The following CPNE7 variants were observed in gnomAD, a reference collection of about 807,000 sequenced individuals.
CPNE7 encodes the protein copine-7.
CPNE7 carries 78 observed loss-of-function variants against 66.5 expected under a neutral mutation model. The ratio of observed to expected loss-of-function variants is 1.17; its 90% CI spans 0.98 to 1.42. CPNE7 has a LOEUF of 1.42. Ranked by LOEUF, CPNE7 falls within the 40% of genes most tolerant of loss-of-function variation. The pLI is 0.00. For missense variants in CPNE7, 1,012 were observed against 776.6 expected, an observed-to-expected ratio of 1.30 and a Z score of -3.60; for synonymous variants, 468 against 336.7, an observed-to-expected ratio of 1.39 and a Z score of -4.27.
chr16:89,595,177 C>G (rs1209106505), intron 13 of CPNE7, among the ~76,000 whole-genome samples, 190 bp from the exon 14 acceptor site: 1 of 152,174 alleles, frequency 6.6e-6, no homozygotes. Flanking sequence ...GCCCAGAGTG[C>G]CCGCCACGGA....
Position 89,584,188 on chromosome 16 carries a change from G to A in CPNE7, c.507+86G>A, listed in dbSNP as rs2059000154. On this transcript the variant is annotated intron_variant, in intron 4 of 14. Coordinates refer to ENST00000319518, the MANE Select transcript of CPNE7 (RefSeq NM_153636.3). The surrounding 1 kb of genome is among the most constrained non-coding windows in gnomAD (Gnocchi z 6.0). ...CCGGTCCCTGCCCAGCGCTGACCTC[G>A]CGTGGCTATGTCCCGTGTGAGACGT... The A allele has an allele frequency of 5.1e-6, 7 of 1,363,044 alleles. No individual in the cohort carries two copies. The highest frequency in any genetic ancestry group is 2.3e-5 in the East Asian group (1 of 43,022). The allele number at this position is 1,363,044 out of a possible 1,614,324, so 84.4% of individuals were successfully genotyped here.
chr16:89,583,452 A>G (rs933649771), intron 2 of CPNE7: 6 of 1,550,248 alleles, frequency 3.9e-6, no homozygotes, highest in African/African-American at 1.4e-5. Context: ...AGGTATGATG[A>G]CCTCTGCCTC....
chr16:89,591,953 C>T (rs1457183411), intron 13 of CPNE7, among the ~76,000 whole-genome samples: 5 of 151,692 alleles, frequency 3.3e-5, no homozygotes, highest in African/African-American at 1.2e-4. Flanking sequence ...CCCGCCTCGG[C>T]CTCCCAAAGT....
In CPNE7 at chr16:89,579,875, A is replaced by G. The variant is rs1463283163; in HGVS notation, c.357+2154A>G. ...CACCCATCACACGGAACATCCCGTCACCTGCTGACACGGAACATCTCACCC... is the reference window on the plus strand; with the variant it reads ...CACCCATCACACGGAACATCCCGTCGCCTGCTGACACGGAACATCTCACCC... On this transcript the variant is annotated intron_variant, in intron 2 of 14. Transcript: ENST00000319518. Among the ~76,000 whole-genome samples, 9 of 45,212 alleles carry G rather than the reference A, an allele frequency of 2.0e-4. 1 individual carries two copies. In the East Asian group the frequency reaches 3.5e-3, roughly 17 times the overall value. The allele number at this position is 45,212 out of a possible 152,430, so 29.7% of individuals were successfully genotyped here. A position where few individuals can be genotyped will look rare whatever the true frequency, so the allele number is the denominator to read the frequency against.
chr16:89,578,148 T>C (rs1179830204), intron 2 of CPNE7, among the ~76,000 whole-genome samples: 2 of 146,998 alleles, frequency 1.4e-5, no homozygotes, highest in African/African-American at 2.5e-5. Context: ...CACTGCAACC[T>C]CCACCTCCTG....
At chr16:89,591,328 G>A (rs61740478) in intron 13 of CPNE7, 68 bp downstream of exon 13, 218 of 1,464,242 alleles carry the variant, frequency 1.5e-4, no homozygotes, top group Admixed American at 4.0e-4. Context: ...GCGCGTGGAC[G>A]TCAGGGAGGC....
In CPNE7 at chr16:89,579,909, G is replaced by A. The variant is rs868115184; in HGVS notation, c.357+2188G>A. On this transcript the variant is annotated intron_variant, in intron 2 of 14. Coordinates refer to ENST00000319518, the MANE Select transcript of CPNE7 (RefSeq NM_153636.3). ...CACGGAACATCTCACCCATCACACGGAACATCCCGTCACCCGCTGACACAG... is the reference window on the plus strand; with the variant it reads ...CACGGAACATCTCACCCATCACACGAAACATCCCGTCACCCGCTGACACAG... Among the ~76,000 whole-genome samples, 20 of 50,418 alleles carry A rather than the reference G, an allele frequency of 4.0e-4. 2 individuals carry two copies. The highest frequency in any genetic ancestry group is 7.7e-4 in the African/African-American group (15 of 19,422). The allele number at this position is 50,418 out of a possible 152,430, so 33.1% of individuals were successfully genotyped here. A position where few individuals can be genotyped will look rare whatever the true frequency, so the allele number is the denominator to read the frequency against.
At chr16:89,589,153 G>A (rs28444518) in intron 10 of CPNE7, among the ~76,000 whole-genome samples, 14,260 of 152,234 alleles carry the variant, frequency 0.094, 950 homozygotes, top group Admixed American at 0.2. Context: ...TTAGCTGGGC[G>A]TGGTGGCAGA....
At position 89,595,661 on chromosome 16, in the gene CPNE7, T is replaced by C. The variant is rs535622677; in HGVS notation, c.1539+58T>C. On this transcript the variant is annotated intron_variant, in intron 14 of 14. Coordinates refer to ENST00000319518, the MANE Select transcript of CPNE7 (RefSeq NM_153636.3). ...GCTTGGGGGTCCCTGTTCATGTCACTGCCCAAGACCTTCCCAGGCCAGGCT... is the reference window on the plus strand; with the variant it reads ...GCTTGGGGGTCCCTGTTCATGTCACCGCCCAAGACCTTCCCAGGCCAGGCT... The C allele has an allele frequency of 4.2e-6, 6 of 1,443,138 alleles. No homozygotes were observed. In the African/African-American group the frequency reaches 7.0e-5, roughly 17 times the overall value. The allele number at this position is 1,443,138 out of a possible 1,614,324, so 89.4% of individuals were successfully genotyped here.
intron 2 of CPNE7, chr16:89,583,492 G>A (rs1223079914): frequency 1.3e-6 from 2 of 1,555,294 alleles, no homozygotes; most frequent in South Asian, 2.4e-5. Flanking sequence ...CCGTGAGGTG[G>A]TGGACGTGCA....
At chr16:89,583,916 ACCT>A in intron 3 of CPNE7, 109 bp from the exon 4 acceptor site, 1 of 1,454,488 alleles carries the variant, frequency 6.9e-7, no homozygotes, top group Non-Finnish European at 9.4e-7. Context: ...GTACACAGAC[ACCT>A]CCTCTCAGGC....
chr16:89,585,629 G>T, intron 6 of CPNE7, 58 bp from the exon 7 acceptor site: 2 of 1,548,804 alleles, frequency 1.3e-6, no homozygotes, highest in East Asian at 2.4e-5. Context: ...ACCTGGGCTC[G>T]GGTGGGAGGG....
chr16:89,593,454 G>C (rs565747393), intron 13 of CPNE7, among the ~76,000 whole-genome samples: 51 of 151,790 alleles, frequency 3.4e-4, no homozygotes, highest in African/African-American at 1.2e-3. Context: ...CCGGGTTCAC[G>C]CCATTCTCCT....
chr16:89,591,556 CTG>C (rs2059169942), intron 13 of CPNE7, among the ~76,000 whole-genome samples: 1 of 152,212 alleles, frequency 6.6e-6, no homozygotes, highest in Non-Finnish European at 1.5e-5. Context: ...TACTGTTTGG[CTG>C]TGTGTGTATC....
intron 9 of CPNE7, 137 bp from the exon 10 acceptor site, chr16:89,588,538 G>A: frequency 9.6e-7 from 1 of 1,037,736 alleles, no homozygotes; most frequent in Non-Finnish European, 1.4e-6. Flanking sequence ...AGCCCCAACA[G>A]CAGCCCCCCA....
At chr16:89,577,908 C>A (rs1048773183) in intron 2 of CPNE7, among the ~76,000 whole-genome samples, 187 bp downstream of exon 2, 2 of 152,180 alleles carry the variant, frequency 1.3e-5, no homozygotes, top group Non-Finnish European at 2.9e-5. Flanking sequence ...CTGGGTAATA[C>A]ATTCGTATGT....
chr16:89,581,683 C>G (rs1041759714), intron 2 of CPNE7, among the ~76,000 whole-genome samples: 3 of 152,150 alleles, frequency 2.0e-5, no homozygotes, highest in African/African-American at 7.2e-5. Flanking sequence ...CTCACTCTGC[C>G]GCCCAGGCTG....
chr16:89,585,568 G>C lies in CPNE7; in HGVS notation c.681+15G>C, dbSNP rs1256026423. On this transcript the variant is annotated intron_variant, in intron 6 of 14. Transcript: ENST00000319518. ...GGCCTCTAAAGGTGGGGGACGGGAT[G>C]GACCAAGGGGGCAGTGAGGGGGTGG... 1 of 1,604,022 alleles carries C rather than the reference G, an allele frequency of 6.2e-7. No homozygotes were observed. Among genetic ancestry groups the C allele is most frequent in the African/African-American group, 1.3e-5 (1 of 74,548 alleles).
chr16:89,577,398 C>A, intron 1 of CPNE7, 141 bp from the exon 2 acceptor site: 1 of 826,042 alleles, frequency 1.2e-6, no homozygotes, highest in Non-Finnish European at 1.9e-6. Flanking sequence ...GTCCCATGGA[C>A]AGAGAGCAGG....
Sources: gnomAD v4.1 joint callset for allele counts (sites outside exome capture counted in the v4.1 genomes callset) on GRCh38, gnomAD v4.1.1 for gene constraint, Gnocchi (gnomAD v3.1) non-coding constraint, MANE v1.5 for transcripts, NCBI Gene and HGNC (gene_info 2026-07-23, HGNC 2026-07-21) for gene names.